ZFPM2: variants seen among roughly 807,000 people sequenced by gnomAD.
The protein encoded by ZFPM2 is zinc finger protein ZFPM2.
ZFPM2 carries 20 observed loss-of-function variants against 98.6 expected under a neutral mutation model. That is an observed-to-expected ratio of 0.20 (90% CI 0.14 to 0.29). The LOEUF (loss-of-function observed/expected upper bound fraction) is 0.29, where lower values mean the gene tolerates loss of function less well. Among genes scored for constraint, ZFPM2 ranks in the 10% least tolerant of loss-of-function variants. The probability of loss-of-function intolerance (pLI) is 1.00; values close to 1 mark genes in which losing one functional copy is unlikely to be tolerated. For missense variants in ZFPM2, 1,310 were observed against 1,388.6 expected (o/e 0.94, Z 0.90); for synonymous variants, 518 against 502.7 (o/e 1.03, Z -0.41).
At position 105,472,263 on chromosome 8, in the gene ZFPM2, A is replaced by G. The variant is rs533637028; in HGVS notation, c.301+27882A>G. 2.6e-5 allele frequency among the ~76,000 whole-genome samples: 4 copies of G among 152,342 alleles called. No homozygotes were observed. In the South Asian group the frequency reaches 8.3e-4, roughly 32 times the overall value. ...ATTTCCATGGTACTACCAAGTTAAA[A>G]CATTAAAGCTACTGGGGAATCTAAA... On this transcript the variant is annotated intron_variant, in intron 3 of 7. Transcript: ENST00000407775.
chr8:105,660,082 A>C (rs1817358928), intron 5 of ZFPM2, among the ~76,000 whole-genome samples: 1 of 152,214 alleles, frequency 6.6e-6, no homozygotes, highest in African/African-American at 2.4e-5. Context: ...TTTTGTGAAT[A>C]ATCAGCCAAT....
intron 1 of ZFPM2, among the ~76,000 whole-genome samples, chr8:105,340,858 A>C (rs10096472): frequency 2.6e-5 from 4 of 151,922 alleles, no homozygotes; most frequent in Non-Finnish European, 5.9e-5. Flanking sequence ...TATACGAAGA[A>C]AATAAAATAG....
intron 5 of ZFPM2, among the ~76,000 whole-genome samples, chr8:105,677,059 C>A (rs1380994868): frequency 6.6e-6 from 1 of 152,076 alleles, no homozygotes; most frequent in African/African-American, 2.4e-5. Context: ...CACATTGAAT[C>A]TCTTATCATT....
At chr8:105,680,657 A>G (rs1322820858) in intron 5 of ZFPM2, among the ~76,000 whole-genome samples, 1 of 152,144 alleles carries the variant, frequency 6.6e-6, no homozygotes, top group Non-Finnish European at 1.5e-5. Flanking sequence ...TCAGTCAGTG[A>G]TATTTTGGAG....
Position 105,730,079 on chromosome 8 carries a change from T to C in ZFPM2, c.533-58639T>C, listed in dbSNP as rs1811896200. On this transcript the variant is annotated intron_variant, in intron 5 of 7. Transcript: ENST00000407775. ...AATTAAATGTCTGCAGTATCCCAGG[T>C]ATTGTCCTAGACCCTGAGAATAGAG... Among the ~76,000 whole-genome samples the C allele has an allele frequency of 2.0e-5, 3 of 151,564 alleles. No individual in the cohort carries two copies. In the South Asian group the frequency reaches 6.2e-4, roughly 31 times the overall value.
chr8:105,417,362 C>T (rs192853559), intron 1 of ZFPM2, among the ~76,000 whole-genome samples: 32 of 152,104 alleles, frequency 2.1e-4, no homozygotes, highest in Non-Finnish European at 3.7e-4. Context: ...CACAGTACAT[C>T]CATGTAACAC....
chr8:105,560,277 A>C (rs1354905715), intron 3 of ZFPM2, among the ~76,000 whole-genome samples: 1 of 152,098 alleles, frequency 6.6e-6, no homozygotes, highest in African/African-American at 2.4e-5. Flanking sequence ...AAATTGACGC[A>C]AAAGTAATTG....
chr8:105,585,717 A>T (rs62527232), intron 4 of ZFPM2, among the ~76,000 whole-genome samples: 4 of 151,990 alleles, frequency 2.6e-5, no homozygotes, highest in African/African-American at 9.7e-5. Context: ...AATATAGTAT[A>T]GTAATATAGT....
chr8:105,509,675 C>T (rs2130502336), intron 3 of ZFPM2, among the ~76,000 whole-genome samples: 1 of 152,056 alleles, frequency 6.6e-6, no homozygotes, highest in Non-Finnish European at 1.5e-5. Context: ...TTAATGAAGC[C>T]ATTTTTGATG....
At chr8:105,573,050 A>G (rs139706973) in intron 4 of ZFPM2, among the ~76,000 whole-genome samples, 29 of 152,274 alleles carry the variant, frequency 1.9e-4, no homozygotes, top group African/African-American at 5.5e-4. Flanking sequence ...CAAGGCTTCA[A>G]TCAAGGGGAC....
chr8:105,441,469 A>AGGAAGGAAGGAAGGAAGGAAGGAAGGAAG (rs1812243213), intron 2 of ZFPM2, among the ~76,000 whole-genome samples: 1 of 68,360 alleles, frequency 1.5e-5, no homozygotes, highest in African/African-American at 1.2e-4. Flanking sequence ...AAAGAAAGAA[A>AGGAAGGAAGGAAGGAAGGAAGGAAGGAAG]GAAAGAAAGA....
intron 5 of ZFPM2, among the ~76,000 whole-genome samples, chr8:105,768,547 C>T (rs867457755): frequency 6.6e-6 from 1 of 151,910 alleles, no homozygotes; most frequent in Non-Finnish European, 1.5e-5. Flanking sequence ...TTATGAGAGT[C>T]TTCTGGGCTT....
intron 3 of ZFPM2, among the ~76,000 whole-genome samples, chr8:105,472,887 A>AT (rs1812933414): frequency 1.0e-5 from 1 of 95,898 alleles, no homozygotes; most frequent in Non-Finnish European, 2.0e-5. Context: ...TCCTAAAGGG[A>AT]CCTTTTTTTT....
chr8:105,555,331 T>C (rs1156913306), intron 3 of ZFPM2, among the ~76,000 whole-genome samples: 1 of 152,098 alleles, frequency 6.6e-6, no homozygotes, highest in Non-Finnish European at 1.5e-5. Flanking sequence ...TTTTTTATTT[T>C]TTTATCCCAC....
At chr8:105,638,538 A>G (rs1398627560) in intron 5 of ZFPM2, among the ~76,000 whole-genome samples, 1 of 152,138 alleles carries the variant, frequency 6.6e-6, no homozygotes, top group African/African-American at 2.4e-5. Context: ...CCAAATCATT[A>G]TTATAGGACC....
intron 3 of ZFPM2, among the ~76,000 whole-genome samples, chr8:105,463,709 G>T (rs777476245): frequency 6.6e-6 from 1 of 152,040 alleles, no homozygotes; most frequent in African/African-American, 2.4e-5. Context: ...TTCTTAATGA[G>T]AGAATGTGAT....
intron 5 of ZFPM2, among the ~76,000 whole-genome samples, chr8:105,739,532 G>C (rs1812164738): frequency 6.6e-6 from 1 of 151,738 alleles, no homozygotes; most frequent in Non-Finnish European, 1.5e-5. Flanking sequence ...AAGCATATGG[G>C]GAATGCATTC....
intron 5 of ZFPM2, among the ~76,000 whole-genome samples, chr8:105,718,671 A>G (rs56183720): frequency 0.28 from 43,077 of 151,676 alleles, 6,558 homozygotes; most frequent in African/African-American, 0.36. Context: ...TTTTAAACAC[A>G]TACAGTGGAA....
At chr8:105,575,533 T>G (rs537064212) in intron 4 of ZFPM2, among the ~76,000 whole-genome samples, 1 of 152,186 alleles carries the variant, frequency 6.6e-6, no homozygotes, top group Non-Finnish European at 1.5e-5. Flanking sequence ...TGCCAAACCT[T>G]CTGCTGCTTC....
Sources: allele counts gnomAD v4.1 joint callset (sites outside exome capture counted in the v4.1 genomes callset), GRCh38; gene constraint gnomAD v4.1.1; transcripts MANE v1.5; gene names NCBI Gene and HGNC (gene_info 2026-07-23, HGNC 2026-07-21).